Variants in PRAME observed in about 807,000 individuals in gnomAD.
The protein encoded by PRAME is PRAME nuclear receptor transcriptional regulator.
Under a neutral mutation model 32.1 loss-of-function variants are expected in PRAME, and 21 were observed. The ratio of observed to expected loss-of-function variants is 0.65; its 90% CI spans 0.46 to 0.94. The LOEUF (loss-of-function observed/expected upper bound fraction) is 0.94. Among genes scored for constraint, PRAME ranks in the 40% least tolerant of loss-of-function variants. The pLI is 0.00. For missense variants in PRAME, 651 were observed against 622.3 expected (o/e 1.05, Z -0.49); for synonymous variants, 274 against 251.5 (o/e 1.09, Z -0.85).
intron 4 of PRAME, 92 bp from the exon 5 acceptor site, chr22:22,550,426 CAG>C: frequency 4.1e-6 from 6 of 1,460,270 alleles, no homozygotes; most frequent in Non-Finnish European, 3.7e-6. Flanking sequence ...AAGAACCAAA[CAG>C]ACATCCACCT....
chr22:22,553,827 G>A lies in PRAME; in HGVS notation c.22-2738C>T, dbSNP rs1023194273. On this transcript the variant is annotated intron_variant, in intron 3 of 5. Transcript: ENST00000405655. ...CCTGCAATTAAAGAAGTTGTCAGAA[G>A]ACCTTCTCTTTATGGTTAGGTGTCC... 1.2e-4 allele frequency: 119 copies of A among 985,190 alleles called. No individual in the cohort carries two copies. In the Middle Eastern group the frequency reaches 4.2e-3, roughly 35 times the overall value. The allele number at this position is 985,190 out of a possible 1,614,324, so 61.0% of individuals were successfully genotyped here.
At chr22:22,556,144 T>G (rs1423756306) in intron 3 of PRAME, among the ~76,000 whole-genome samples, 2 of 150,708 alleles carry the variant, frequency 1.3e-5, no homozygotes, top group African/African-American at 2.4e-5. Flanking sequence ...GGACTACAGA[T>G]GTGGGCCACC....
chr22:22,556,953 A>G (rs2062965105), intron 2 of PRAME, 44 bp from the exon 3 acceptor site: 5 of 1,282,968 alleles, frequency 3.9e-6, no homozygotes, highest in Non-Finnish European at 4.5e-6. Context: ...GAATACATGT[A>G]TAATATTTAC....
chr22:22,551,172 C>G, intron 3 of PRAME, 83 bp from the exon 4 acceptor site: 1 of 1,257,776 alleles, frequency 8.0e-7, no homozygotes, highest in Admixed American at 2.3e-5. Flanking sequence ...TCTGAGGGAC[C>G]AACTTAGGGC....
Position 22,550,328 on chromosome 22 carries a change from C to A in PRAME, c.351G>T (p.Trp117Cys). ...LLAQEVRPRR[W>C]KLQVLDLRKN... ...TCCGTAAATCCAGCACTTGAAGTTT[C>A]CACCTCCTGTGGGGAAAAACAGGTA... is the stretch of plus-strand genomic sequence containing the variant. The change falls in exon 5 of 6, where the codon TGG becomes TGT. Residue 117 changes from tryptophan (W) to cysteine (C), a missense_variant. Trp to Cys is a radical substitution (Grantham distance 215). Transcript: ENST00000405655. 6.2e-7 allele frequency: 1 copy of A among 1,611,902 alleles called. No individual in the cohort carries two copies. The highest frequency in any genetic ancestry group is 8.5e-7 in the Non-Finnish European group (1 of 1,179,454).
At position 22,550,868 on chromosome 22, in the gene PRAME, G is replaced by A. The variant is rs769568472; in HGVS notation, c.243C>T (p.Leu81=). 1 of 1,613,800 alleles carries A rather than the reference G, an allele frequency of 6.2e-7. No individual in the cohort carries two copies. The highest frequency in any genetic ancestry group is 8.5e-7 in the Non-Finnish European group (1 of 1,179,904). Residue 81 remains leucine, a synonymous_variant, in exon 4 of 6, where the codon CTC becomes CTT. Coordinates refer to ENST00000405655, the MANE Select transcript of PRAME (RefSeq NM_206956.3). ...AMVQAWPFTC[L]PLGVLMKGQH... ...GTCCCTTCATCAGCACTCCCAGAGGGAGGCAGGTGAAGGGCCAGGCCTGCA... is the reference window on the plus strand; with the variant it reads ...GTCCCTTCATCAGCACTCCCAGAGGAAGGCAGGTGAAGGGCCAGGCCTGCA...
chr22:22,548,731 G>A (rs956800769), intron 5 of PRAME, 88 bp from the exon 6 acceptor site: 2 of 1,246,906 alleles, frequency 1.6e-6, no homozygotes, highest in Admixed American at 2.2e-5. Flanking sequence ...AAAACCCAAA[G>A]TCTTCCTGAT....
chr22:22,558,708 T>A (rs1447365879), intron 1 of PRAME, among the ~76,000 whole-genome samples: 2 of 150,058 alleles, frequency 1.3e-5, no homozygotes, highest in African/African-American at 4.9e-5. Context: ...ACTGGGAGTG[T>A]GGGACGGGGT....
Position 22,549,794 on chromosome 22 carries a change from C to T in PRAME, c.885G>A (p.Leu295=), listed in dbSNP as rs761660440. ...IAQFTSQFLS[L]QCLQALYVDS... ...CCACATAGAGAGCCTGCAGGCACTG[C>T]AGACTGAGGAACTGAGAGGTGAACT... is the stretch of plus-strand genomic sequence containing the variant. The change falls in exon 5 of 6, where the codon CTG becomes CTA. Residue 295 remains leucine, a synonymous_variant. Coordinates refer to ENST00000405655, the MANE Select transcript of PRAME (RefSeq NM_206956.3). The T allele has an allele frequency of 6.8e-6, 11 of 1,613,638 alleles. No individual in the cohort carries two copies. The South Asian group carries it at 1.1e-4, about 16-fold the overall frequency.
In PRAME at chr22:22,549,759, A is replaced by C. The variant is rs1287030154; in HGVS notation, c.920T>G (p.Phe307Cys). ...CLQALYVDSL[F>C]FLRGRLDQLL... ...CTGATCCAGGCGGCCTCTAAGGAAA[A>C]ATAAAGAGTCCACATAGAGAGCCTG... The change falls in exon 5 of 6, where the codon TTT becomes TGT. Residue 307 changes from phenylalanine to cysteine, a missense_variant. Physicochemically the swap from Phe to Cys is radical, Grantham distance 205 (BLOSUM62 -2). Coordinates refer to ENST00000405655, the MANE Select transcript of PRAME (RefSeq NM_206956.3). 1 of 1,609,374 alleles carries C rather than the reference A, an allele frequency of 6.2e-7. No homozygotes were observed. Among genetic ancestry groups the C allele is most frequent in the South Asian group, 1.1e-5 (1 of 89,984 alleles).
chr22:22,558,817 G>A (rs559939058), intron 1 of PRAME, among the ~76,000 whole-genome samples, 154 bp downstream of exon 1: 4,246 of 151,432 alleles, frequency 0.028, 206 homozygotes, highest in African/African-American at 0.098. Flanking sequence ...TGCAGGGGCC[G>A]GTTCCAGGGT....
chr22:22,556,706 T>C, intron 3 of PRAME, 106 bp downstream of exon 3: 1 of 1,352,826 alleles, frequency 7.4e-7, no homozygotes, highest in Admixed American at 1.9e-5. Context: ...CCTCTTCGTC[T>C]ACTGTGAGGG....
chr22:22,556,911 TGA>T lies in PRAME; in HGVS notation c.-77-4_-77-3del, dbSNP rs2062961005. The T allele has an allele frequency of 6.5e-7, 1 of 1,532,448 alleles. No individual in the cohort carries two copies. Among genetic ancestry groups the T allele is most frequent in the African/African-American group, 1.4e-5 (1 of 73,048 alleles). The allele number at this position is 1,532,448 out of a possible 1,614,324, so 94.9% of individuals were successfully genotyped here. ...TCAGTCACTTGTTGCCACGCACGTC[TGA>T]GAGTAATAATCAAAATGCTCCAAAA... On this transcript the variant is annotated splice_polypyrimidine_tract_variant and splice_region_variant and intron_variant, in intron 2 of 5. Coordinates refer to ENST00000405655, the MANE Select transcript of PRAME (RefSeq NM_206956.3).
At position 22,549,692 on chromosome 22, in the gene PRAME, C is replaced by T. The variant is rs1197308470; in HGVS notation, c.953+34G>A. On this transcript the variant is annotated intron_variant, in intron 5 of 5. Transcript: ENST00000405655. ...GTTTACTGCAATAAGGAAGGGCTTGCTCTGGTCTGCAGAGAAATCTCACCA... is the reference window on the plus strand; with the variant it reads ...GTTTACTGCAATAAGGAAGGGCTTGTTCTGGTCTGCAGAGAAATCTCACCA... 4.5e-6 allele frequency: 7 copies of T among 1,553,766 alleles called. No homozygotes were observed. The East Asian group carries it at 1.3e-4, about 30-fold the overall frequency.
At chr22:22,554,703 G>A (rs148304238) in intron 3 of PRAME, among the ~76,000 whole-genome samples, 1,536 of 152,014 alleles carry the variant, frequency 0.01, 8 homozygotes, top group Non-Finnish European at 0.014. Context: ...AAGCAAGCAG[G>A]AATTGGTAGC....
chr22:22,549,658 T>C, intron 5 of PRAME, 68 bp downstream of exon 5: 1 of 1,508,854 alleles, frequency 6.6e-7, no homozygotes, highest in Non-Finnish European at 8.8e-7. Flanking sequence ...ATACAAGATA[T>C]CCTTTATTGT....
intron 3 of PRAME, among the ~76,000 whole-genome samples, chr22:22,554,537 C>T (rs947729348): frequency 1.3e-5 from 2 of 151,884 alleles, no homozygotes; most frequent in Non-Finnish European, 2.9e-5. Flanking sequence ...TGTCAATGTC[C>T]CTAATTATCA....
rs750325897 is a variant in PRAME, at chr22:22,556,825, C to T, written c.8G>A (p.Arg3Gln). The T allele has an allele frequency of 1.4e-5, 22 of 1,612,806 alleles. No homozygotes were observed. In the East Asian group the frequency reaches 2.9e-4, roughly 21 times the overall value. ...GGACCTTCTTACCCACAAACGCCTT[C>T]GTTCCATTTTGAAGCGACTTAGGCT... MERRRLWGSIQSR... is the reference protein window; with the variant it reads MEQRRLWGSIQSR... Residue 3 changes from arginine (R) to glutamine (Q), a missense_variant, in exon 3 of 6, where the codon CGA (arginine) becomes CAA (glutamine). Arg to Gln is a conservative substitution (Grantham distance 43). Coordinates refer to ENST00000405655, the MANE Select transcript of PRAME (RefSeq NM_206956.3).
At chr22:22,557,754 G>A (rs1409482289) in intron 1 of PRAME, 174 bp from the exon 2 acceptor site, 1 of 89,448 alleles carries the variant, frequency 1.1e-5, no homozygotes, top group Non-Finnish European at 2.3e-5. Context: ...AGAGAGTCGA[G>A]AGGGGCTTGT....
Sources: allele counts gnomAD v4.1 joint callset (sites outside exome capture counted in the v4.1 genomes callset), GRCh38; gene constraint gnomAD v4.1.1; transcripts MANE v1.5; gene names NCBI Gene and HGNC (gene_info 2026-07-23, HGNC 2026-07-21).